The following RNF20 variants were observed in gnomAD, a reference collection of about 807,000 sequenced individuals.
RNF20 encodes the protein ring finger protein 20.
RNF20 carries 84 observed loss-of-function variants against 126.2 expected under a neutral mutation model. That is an observed-to-expected ratio of 0.67 (90% CI 0.56 to 0.80). RNF20 has a LOEUF of 0.80. RNF20 is among the 30% of genes least tolerant of loss of function. The pLI, the probability that RNF20 is intolerant of heterozygous loss-of-function variation, is 0.00. For synonymous variants in RNF20, 400 were observed against 414.3 expected (o/e 0.97, Z 0.42); for missense variants, 869 against 1,188.2 (o/e 0.73, Z 3.95).
chr9:101,548,687 T>A, intron 9 of RNF20, among the ~76,000 whole-genome samples: 1 of 152,336 alleles, frequency 6.6e-6, no homozygotes, highest in Non-Finnish European at 1.5e-5. Context: ...CATATTTACT[T>A]ATTATATGTA....
intron 9 of RNF20, among the ~76,000 whole-genome samples, chr9:101,550,313 G>C (rs1373188924): frequency 6.6e-6 from 1 of 152,050 alleles, no homozygotes; most frequent in African/African-American, 2.4e-5. Context: ...TTTAAAATAA[G>C]CATCCTGACA....
chr9:101,559,208 C>T (rs540103155), intron 16 of RNF20, among the ~76,000 whole-genome samples: 6 of 151,790 alleles, frequency 4.0e-5, no homozygotes, highest in South Asian at 2.1e-4. Context: ...CAGTTGACTA[C>T]GTATTTGGCT....
chr9:101,534,841 T>A (rs1332534041), intron 1 of RNF20, among the ~76,000 whole-genome samples: 1 of 152,172 alleles, frequency 6.6e-6, no homozygotes, highest in Non-Finnish European at 1.5e-5. Context: ...ATTGTCTCAT[T>A]TCTTATCACC....
At chr9:101,562,064 A>G in intron 19 of RNF20, 53 bp downstream of exon 19, 3 of 1,380,884 alleles carry the variant, frequency 2.2e-6, no homozygotes, top group Non-Finnish European at 3.0e-6. Context: ...TAAGTGGCCT[A>G]ATAGACTGGG....
At chr9:101,540,996 C>A (rs753267177) in intron 5 of RNF20, 21 bp downstream of exon 5, 3 of 1,599,962 alleles carry the variant, frequency 1.9e-6, no homozygotes, top group East Asian at 2.2e-5. Flanking sequence ...ACCCTGGAGG[C>A]CGGGAGTAGT....
chr9:101,534,913 T>C (rs1249297785), intron 1 of RNF20, among the ~76,000 whole-genome samples: 7 of 151,098 alleles, frequency 4.6e-5, no homozygotes, highest in African/African-American at 1.2e-4. Context: ...GACTTTCTTT[T>C]TTTTTTTTTT....
Position 101,550,600 on chromosome 9 carries a change from C to T in RNF20, c.1093-6C>T, listed in dbSNP as rs772895850. The T allele has an allele frequency of 2.7e-5, 43 of 1,612,774 alleles. No homozygotes were observed. The highest frequency in any genetic ancestry group is 4.0e-5 in the African/African-American group (3 of 74,864). ...TGCTTCTGACTTTGCTTTGGGCCCTCCTAAGGTGGAATTGCGGAGTGCAGT... is the reference window on the plus strand; with the variant it reads ...TGCTTCTGACTTTGCTTTGGGCCCTTCTAAGGTGGAATTGCGGAGTGCAGT... On this transcript the variant is annotated splice_region_variant and splice_polypyrimidine_tract_variant and intron_variant, in intron 9 of 19. Coordinates refer to ENST00000389120, the MANE Select transcript of RNF20 (RefSeq NM_019592.7).
intron 2 of RNF20, among the ~76,000 whole-genome samples, chr9:101,537,364 G>A (rs996278882): frequency 2.0e-5 from 3 of 152,198 alleles, no homozygotes; most frequent in African/African-American, 7.2e-5. Flanking sequence ...CTGAGCTAGA[G>A]AAGTGTATGA....
At chr9:101,549,082 G>A (rs949066018) in intron 9 of RNF20, among the ~76,000 whole-genome samples, 2 of 152,180 alleles carry the variant, frequency 1.3e-5, no homozygotes, top group African/African-American at 2.4e-5. Context: ...GTGCGGAGAC[G>A]AGAGAGTGTA....
At chr9:101,548,808 G>A (rs1827394815) in intron 9 of RNF20, among the ~76,000 whole-genome samples, 1 of 152,110 alleles carries the variant, frequency 6.6e-6, no homozygotes, top group Admixed American at 6.5e-5. Context: ...GGTAAACTAG[G>A]GTGAGGATCC....
At chr9:101,535,863 A>G (rs1046981096) in intron 2 of RNF20, among the ~76,000 whole-genome samples, 10 of 152,236 alleles carry the variant, frequency 6.6e-5, no homozygotes, top group Admixed American at 3.9e-4. Flanking sequence ...TGAAAAAGTC[A>G]GTACCAGATT....
chr9:101,562,246 G>A lies in RNF20; in HGVS notation c.2752G>A (p.Ala918Thr). The change falls in exon 20 of 20, where the codon GCA becomes ACA. Residue 918 changes from alanine to threonine, a missense_variant and splice_region_variant. Ala to Thr is a moderately conservative substitution (Grantham distance 58). Coordinates refer to ENST00000389120, the MANE Select transcript of RNF20 (RefSeq NM_019592.7). ...ILMEEIKDYK[A>T]RLTCPCCNMR... ...AAACTCTGACATCTTTTCTTTTTAG[G>A]CACGCTTGACCTGTCCGTGCTGTAA... The A allele has an allele frequency of 6.2e-7, 1 of 1,605,240 alleles. No homozygotes were observed. The highest frequency in any genetic ancestry group is 1.1e-5 in the South Asian group (1 of 89,896).
intron 15 of RNF20, 131 bp downstream of exon 15, chr9:101,554,974 GT>G (rs1314596311): frequency 1.4e-5 from 8 of 575,954 alleles, no homozygotes; most frequent in Non-Finnish European, 2.2e-5. Flanking sequence ...CTTTTTGTGT[GT>G]GTGTTTTAAT....
At position 101,554,835 on chromosome 9, in the gene RNF20, G is replaced by C; in HGVS notation, c.2161G>C (p.Ala721Pro). 7.0e-7 allele frequency: 1 copy of C among 1,438,254 alleles called. No homozygotes were observed. The highest frequency in any genetic ancestry group is 9.2e-7 in the Non-Finnish European group (1 of 1,083,594). The allele number at this position is 1,438,254 out of a possible 1,614,324, so 89.1% of individuals were successfully genotyped here. The change falls in exon 15 of 20, where the codon GCC becomes CCC. Residue 721 changes from alanine (A) to proline (P), a missense_variant. Around this residue, in one of 8 missense-constraint regions of RNF20, gnomAD observed 30 missense variants for 75.2 expected, o/e 0.40. Transcript: ENST00000389120. ...ATACCTACAGAAGAAGCTAGCCATG[G>C]CCAAGCAGGTGGACTCACTTTCTTT... ...IEYLQKKLAM[A>P]KQEEEALLSE...
intron 13 of RNF20, among the ~76,000 whole-genome samples, chr9:101,553,543 A>G (rs1247058713): frequency 2.0e-5 from 3 of 151,400 alleles, no homozygotes; most frequent in Non-Finnish European, 4.4e-5. Flanking sequence ...AGACTTTCAA[A>G]TTTTTCCCTT....
rs374230414 is a variant in RNF20, at chr9:101,551,860, A to G, written c.1408+41A>G. ...CTCCATGCTGTAGTTTGCTCTTAAT[A>G]CCTTCCTTGAAAGATACAACACAGA... On this transcript the variant is annotated intron_variant, in intron 11 of 19. Coordinates refer to ENST00000389120, the MANE Select transcript of RNF20 (RefSeq NM_019592.7). The G allele has an allele frequency of 8.3e-6, 13 of 1,564,426 alleles. No individual in the cohort carries two copies. In the African/African-American group the frequency reaches 1.5e-4, roughly 18 times the overall value.
chr9:101,539,225 G>C (rs1415513941), intron 2 of RNF20, among the ~76,000 whole-genome samples: 2 of 152,144 alleles, frequency 1.3e-5, no homozygotes, highest in Non-Finnish European at 2.9e-5. Context: ...AATATTTCTA[G>C]ACAAATTATA....
At chr9:101,548,309 A>G (rs902704478) in intron 9 of RNF20, among the ~76,000 whole-genome samples, 6 of 152,016 alleles carry the variant, frequency 3.9e-5, no homozygotes, top group African/African-American at 1.4e-4. Context: ...AGAGTGTAGA[A>G]TGGTGGTTAC....
At chr9:101,556,009 C>CTTTTTT (rs147788792) in intron 15 of RNF20, among the ~76,000 whole-genome samples, 2 of 147,852 alleles carry the variant, frequency 1.4e-5, no homozygotes, top group Non-Finnish European at 3.0e-5. Flanking sequence ...GTAAATGCCA[C>CTTTTTT]TTTTTTTTTT....
Sources: allele counts gnomAD v4.1 joint callset (sites outside exome capture counted in the v4.1 genomes callset), GRCh38; gene constraint gnomAD v4.1.1; regional missense constraint gnomAD v4.1.1; transcripts MANE v1.5; gene names NCBI Gene and HGNC (gene_info 2026-07-23, HGNC 2026-07-21).